The following MUC5B variants were observed in gnomAD, a reference collection of about 807,000 sequenced individuals.
MUC5B encodes the protein mucin-5B.
A neutral mutation model predicts 376.9 loss-of-function variants in MUC5B; 116 were observed. The observed-to-expected ratio is 0.31, with a 90% confidence interval of 0.26 to 0.36. The LOEUF (loss-of-function observed/expected upper bound fraction) is 0.36, where lower values mean the gene tolerates loss of function less well. MUC5B is among the 10% of genes least tolerant of loss of function. The pLI, the probability that MUC5B is intolerant of heterozygous loss-of-function variation, is 1.00. For missense variants in MUC5B, 7,165 were observed against 7,769.9 expected (o/e 0.92, Z 2.93); for synonymous variants, 3,517 against 3,390.9 (o/e 1.04, Z -1.29).
In MUC5B at chr11:1,235,401, G is replaced by A. The variant is rs1375728342; in HGVS notation, c.2868G>A (p.Lys956=). The change falls in exon 23 of 49, where the codon AAG becomes AAA. Residue 956 remains lysine (K), a synonymous_variant. Coordinates refer to ENST00000529681, the MANE Select transcript of MUC5B (RefSeq NM_002458.3). ...TTGTTCSKAI[K]LFVESYELIL... is the part of the protein sequence containing the mutation. The stretch of plus-strand genomic sequence containing the variant: ...GCACCACCTGCTCCAAGGCCATCAA[G>A]CTCTTCGTGGAGGTGAGAACGGCCC... The A allele has an allele frequency of 6.2e-7, 1 of 1,611,808 alleles. No individual in the cohort carries two copies. The highest frequency in any genetic ancestry group is 1.3e-5 in the African/African-American group (1 of 74,782).
intron 13 of MUC5B, 103 bp downstream of exon 13, chr11:1,231,108 G>A: frequency 8.4e-7 from 1 of 1,185,340 alleles, no homozygotes; most frequent in Non-Finnish European, 1.2e-6. Flanking sequence ...GTTCTCCGTG[G>A]CCTCGGGCAG....
In MUC5B at chr11:1,258,757, C is replaced by G. The variant is rs1197754766; in HGVS notation, c.16594-185C>G. 6.6e-6 allele frequency among the ~76,000 whole-genome samples: 1 copy of G among 152,112 alleles called. No homozygotes were observed. Among genetic ancestry groups the G allele is most frequent in the Non-Finnish European group, 1.5e-5 (1 of 67,996 alleles). Reference sequence around the variant, plus strand: ...TGGGGTCTCTGCCTGCCCAGATTCCCTGCCCACCTGTGGTCCCTGTGTGCA... The same window carrying G: ...TGGGGTCTCTGCCTGCCCAGATTCCGTGCCCACCTGTGGTCCCTGTGTGCA... On this transcript the variant is annotated intron_variant, in intron 43 of 48. Transcript: ENST00000529681. The surrounding 1 kb of genome is among the most constrained non-coding windows in gnomAD (Gnocchi z 5.5).
In MUC5B at chr11:1,226,942, T is replaced by G. The variant is rs1467930111; in HGVS notation, c.461+66T>G. 12 of 1,517,888 alleles carry G rather than the reference T, an allele frequency of 7.9e-6. No homozygotes were observed. The African/African-American group carries it at 1.5e-4, about 19-fold the overall frequency. The allele number at this position is 1,517,888 out of a possible 1,614,324, so 94.0% of individuals were successfully genotyped here. On this transcript the variant is annotated intron_variant, in intron 4 of 48. Coordinates refer to ENST00000529681, the MANE Select transcript of MUC5B (RefSeq NM_002458.3). ...ACAGTGTGACCTCCCCACACGGCCA[T>G]GTCTGACCTGGGCCAGGGCTGGGGG...
Position 1,258,364 on chromosome 11 carries a change from C to T in MUC5B, c.16590C>T (p.Tyr5530=), listed in dbSNP as rs371690984. 65 of 1,612,076 alleles carry T rather than the reference C, an allele frequency of 4.0e-5. No individual in the cohort carries two copies. In the Middle Eastern group the frequency reaches 6.6e-4, roughly 16 times the overall value. Residue 5530 remains tyrosine (Y), a synonymous_variant, in exon 43 of 49, where the codon TAC becomes TAT. Coordinates refer to ENST00000529681, the MANE Select transcript of MUC5B (RefSeq NM_002458.3). This position sits in a 1 kb window ranked among gnomAD's most constrained non-coding sequence, Gnocchi z 5.5. The part of the protein sequence containing the change: ...PQLCSYNGTF[Y]GVGATFPGAL... ...TGTGTTCGTACAATGGCACCTTCTA[C>T]GGGGTAAGGGCACAGCAGTGGGTGG...
Position 1,257,807 on chromosome 11 carries a change from G to C in MUC5B, c.16450+97G>C, listed in dbSNP as rs1264377583. 7.2e-7 allele frequency: 1 copy of C among 1,392,610 alleles called. No individual in the cohort carries two copies. Among genetic ancestry groups the C allele is most frequent in the African/African-American group, 1.4e-5 (1 of 69,718 alleles). 86.3% of individuals were successfully genotyped at this position (1,392,610 alleles called of 1,614,324 possible). A position where few individuals can be genotyped will look rare whatever the true frequency, so the allele number is the denominator to read the frequency against. ...GTGGGTTGGGCACAGGAGAGCAGAGGAGAGCCACTGTGTCCTGGCGTGACC... is the reference window on the plus strand; with the variant it reads ...GTGGGTTGGGCACAGGAGAGCAGAGCAGAGCCACTGTGTCCTGGCGTGACC... On this transcript the variant is annotated intron_variant, in intron 41 of 48. Coordinates refer to ENST00000529681, the MANE Select transcript of MUC5B (RefSeq NM_002458.3). The surrounding 1 kb of genome is among the most constrained non-coding windows in gnomAD (Gnocchi z 8.9).
chr11:1,239,618 G>T, intron 27 of MUC5B, 52 bp downstream of exon 27: 1 of 1,528,212 alleles, frequency 6.5e-7, no homozygotes. Context: ...GTTCCCGAGT[G>T]TACGTGGGGG....
In MUC5B at chr11:1,223,084, C is replaced by G; in HGVS notation, c.-40C>G. 1 of 693,912 alleles carries G rather than the reference C, an allele frequency of 1.4e-6. No homozygotes were observed. The highest frequency in any genetic ancestry group is 2.6e-6 in the Non-Finnish European group (1 of 380,064). The allele number at this position is 693,912 out of a possible 1,614,324, so 43.0% of individuals were successfully genotyped here. A position where few individuals can be genotyped will look rare whatever the true frequency, so the allele number is the denominator to read the frequency against. ...AGCAAGCACCCGGCCCGGCTCCCTCCCTGCCCGTCCCCGTCCCCCCACCCG... is the reference window on the plus strand; with the variant it reads ...AGCAAGCACCCGGCCCGGCTCCCTCGCTGCCCGTCCCCGTCCCCCCACCCG... On this transcript the variant is annotated 5_prime_UTR_variant, in exon 1 of 49. Transcript: ENST00000529681.
chr11:1,229,546 C>A, intron 9 of MUC5B, 144 bp from the exon 10 acceptor site: 1 of 820,988 alleles, frequency 1.2e-6, no homozygotes, highest in Non-Finnish European at 1.9e-6. Context: ...GGTGTTCATC[C>A]AAGCGAGTGC....
chr11:1,228,482 G>T lies in MUC5B; in HGVS notation c.775-82G>T, dbSNP rs536480054. ...GACAGGGAGAGGGCTTCCCGGCCTG[G>T]CCTGCCATGGGTCCTATTCCAGCAC... On this transcript the variant is annotated intron_variant, in intron 7 of 48. Transcript: ENST00000529681. 10 of 1,330,110 alleles carry T rather than the reference G, an allele frequency of 7.5e-6. No individual in the cohort carries two copies. The African/African-American group carries it at 1.2e-4, about 16-fold the overall frequency. The allele number at this position is 1,330,110 out of a possible 1,614,324, so 82.4% of individuals were successfully genotyped here.
At chr11:1,237,272 A>C in intron 25 of MUC5B, 108 bp downstream of exon 25, 1 of 1,248,006 alleles carries the variant, frequency 8.0e-7, no homozygotes. Flanking sequence ...GGAGGGTCTG[A>C]CCATGTCCCA....
chr11:1,255,613 G>A (rs1590191923), intron 37 of MUC5B, 55 bp downstream of exon 37: 2 of 562,116 alleles, frequency 3.6e-6, no homozygotes, highest in East Asian at 5.9e-5. Flanking sequence ...TGAGTGTCCT[G>A]TGCGGTGAGT....
At chr11:1,232,596 C>T in intron 16 of MUC5B, 48 bp from the exon 17 acceptor site, 12 of 1,601,388 alleles carry the variant, frequency 7.5e-6, no homozygotes, top group Non-Finnish European at 1.0e-5. Context: ...GTGGGGGAGC[C>T]CTGGCAGGCT....
In MUC5B at chr11:1,246,471, C is replaced by A. The variant is rs756597142; in HGVS notation, c.9591C>A (p.Thr3197=). ...RATAGTLKVL[T]STATTPTVIS... ...CTGCTGGCACCCTCAAAGTGCTGAC[C>A]AGCACGGCCACCACACCCACAGTCA... The change falls in exon 31 of 49, where the codon ACC becomes ACA. Residue 3197 remains threonine (T), a synonymous_variant. Transcript: ENST00000529681. 1.4e-5 allele frequency: 23 copies of A among 1,613,546 alleles called. No homozygotes were observed. The highest frequency in any genetic ancestry group is 1.9e-5 in the Non-Finnish European group (23 of 1,179,746).
At chr11:1,260,537 G>A in intron 47 of MUC5B, 89 bp from the exon 48 acceptor site, 1 of 1,446,026 alleles carries the variant, frequency 6.9e-7, no homozygotes. Flanking sequence ...CATGGGAGGG[G>A]TGGTCCCATG....
rs1330679676 is a variant in MUC5B at position 1,261,558 on chromosome 11, G to T, written c.17239G>T (p.Ala5747Ser). The T allele has an allele frequency of 2.5e-6, 4 of 1,608,714 alleles. No individual in the cohort carries two copies. Among genetic ancestry groups the T allele is most frequent in the Non-Finnish European group, 3.4e-6 (4 of 1,178,526 alleles). The change falls in exon 49 of 49, where the codon GCT becomes TCT. Residue 5747 changes from alanine (A) to serine (S), a missense_variant. By Grantham distance (99) the Ala-to-Ser change is moderately conservative. This residue lies in a region of MUC5B where 842 missense variants were observed against 1,016.9 expected (regional missense o/e 0.83). Transcript: ENST00000529681. ...CTPFCVPAPMAPPHTRGFPAQ... is the reference protein window; with the variant it reads ...CTPFCVPAPMSPPHTRGFPAQ... ...GCCCTTCTGTGTCCCTGCGCCCATG[G>T]CTCCCCCACACACCCGTGGCTTCCC...
At position 1,242,176 on chromosome 11, in the gene MUC5B, G is replaced by A. The variant is rs567323086; in HGVS notation, c.5296G>A (p.Glu1766Lys). 5.6e-6 allele frequency: 9 copies of A among 1,613,618 alleles called. No individual in the cohort carries two copies. The highest frequency in any genetic ancestry group is 6.8e-6 in the Non-Finnish European group (8 of 1,179,896). ...GGCCGAGACCAGCACGCCCAGGACA[G>A]AGACGACAATGAGCCCCTTGACTAA... The part of the protein sequence containing the change: ...SQAETSTPRT[E>K]TTMSPLTNTT... The change falls in exon 31 of 49, where the codon GAG (glutamate) becomes AAG (lysine). Residue 1766 changes from glutamate to lysine, a missense_variant. This residue lies in a region of MUC5B where 897 missense variants were observed against 779.6 expected (regional missense o/e 1.15). Transcript: ENST00000529681.
chr11:1,226,963 G>A, intron 4 of MUC5B, 68 bp from the exon 5 acceptor site: 1 of 1,497,448 alleles, frequency 6.7e-7, no homozygotes, highest in Non-Finnish European at 9.1e-7. Context: ...GGCCAGGGCT[G>A]GGGGGGGGTT....
At chr11:1,230,812 C>T (rs984710828) in intron 12 of MUC5B, 124 bp from the exon 13 acceptor site, 42 of 1,207,558 alleles carry the variant, frequency 3.5e-5, no homozygotes, top group Admixed American at 1.1e-4. Context: ...CACCGCAGGT[C>T]CAGGTCTGAG....
Position 1,239,027 on chromosome 11 carries a change from C to T in MUC5B, c.3454C>T (p.Pro1152Ser), listed in dbSNP as rs372686050. Residue 1152 changes from proline to serine, a missense_variant and splice_region_variant, in exon 26 of 49, where the codon CCC (proline) becomes TCC (serine). By Grantham distance (74) the Pro-to-Ser change is moderately conservative (BLOSUM62 -1). Around this residue, in one of 31 missense-constraint regions of MUC5B, gnomAD observed 143 missense variants for 193.2 expected, o/e 0.74. Transcript: ENST00000529681. ...GTCCTGGCGGACTCCGGACACCTGC[C>T]GTGAGTCGGGCTCTGTCCGTGGTGC... Reference protein sequence around the residue: ...CVSWRTPDTCPLFCDFYNPHG... With the variant: ...CVSWRTPDTCSLFCDFYNPHG... The T allele has an allele frequency of 1.5e-4, 240 of 1,572,306 alleles. No individual in the cohort carries two copies. The highest frequency in any genetic ancestry group is 6.5e-4 in the South Asian group (56 of 85,750).
Sources: allele counts gnomAD v4.1 joint callset (sites outside exome capture counted in the v4.1 genomes callset), GRCh38; gene constraint gnomAD v4.1.1; regional missense constraint gnomAD v4.1.1; non-coding constraint Gnocchi (gnomAD v3.1); transcripts MANE v1.5; gene names NCBI Gene and HGNC (gene_info 2026-07-23, HGNC 2026-07-21).